The following KCNQ3 variants were observed in gnomAD, a reference collection of about 807,000 sequenced individuals.
KCNQ3 encodes potassium voltage-gated channel subfamily KQT member 3.
KCNQ3 carries 30 observed loss-of-function variants against 92.5 expected under a neutral mutation model. The observed-to-expected ratio is 0.32, with a 90% CI of 0.24 to 0.44. The LOEUF (loss-of-function observed/expected upper bound fraction) is 0.44. Ranked by LOEUF, KCNQ3 falls within the 20% of genes least tolerant of loss-of-function variation. The probability of loss-of-function intolerance (pLI) is 1.00; values close to 1 mark genes in which losing one functional copy is unlikely to be tolerated. For synonymous variants in KCNQ3, 450 were observed against 468.8 expected, an observed-to-expected ratio of 0.96 and a Z score of 0.52; for missense variants, 913 against 1,140.3, an observed-to-expected ratio of 0.80 and a Z score of 2.87.
intron 9 of KCNQ3, among the ~76,000 whole-genome samples, chr8:132,160,741 T>C (rs1825960012): frequency 1.3e-5 from 2 of 152,170 alleles, no homozygotes; most frequent in Admixed American, 1.3e-4. Flanking sequence ...AAAAGCTCAG[T>C]TGAATTCTTA....
intron 1 of KCNQ3, among the ~76,000 whole-genome samples, chr8:132,390,149 T>C (rs2130768882): frequency 6.6e-6 from 1 of 152,296 alleles, no homozygotes; most frequent in South Asian, 2.1e-4. Flanking sequence ...TGGAAAAAGC[T>C]AGACACAAAG....
At chr8:132,182,058 AC>A (rs1370958401) in intron 3 of KCNQ3, among the ~76,000 whole-genome samples, 1 of 147,580 alleles carries the variant, frequency 6.8e-6, no homozygotes, top group Non-Finnish European at 1.5e-5. Context: ...AAAAAAAAAA[AC>A]CATAAAAAAC....
At chr8:132,252,544 C>G (rs1238019725) in intron 1 of KCNQ3, among the ~76,000 whole-genome samples, 1 of 152,194 alleles carries the variant, frequency 6.6e-6, no homozygotes, top group Admixed American at 6.5e-5. Flanking sequence ...AGCAAAAGAA[C>G]AAAGCTTCCA....
intron 1 of KCNQ3, among the ~76,000 whole-genome samples, chr8:132,255,533 G>A (rs1463783674): frequency 6.6e-6 from 1 of 152,204 alleles, no homozygotes; most frequent in Non-Finnish European, 1.5e-5. Flanking sequence ...CTGGGCACAT[G>A]CCCAGAGATA....
chr8:132,278,959 T>C (rs370064057), intron 1 of KCNQ3, among the ~76,000 whole-genome samples: 33 of 152,262 alleles, frequency 2.2e-4, no homozygotes, highest in East Asian at 1.2e-3. Context: ...CTCACGTCTG[T>C]AATCCCAGCA....
At chr8:132,333,148 G>A (rs772086704) in intron 1 of KCNQ3, among the ~76,000 whole-genome samples, 3 of 152,146 alleles carry the variant, frequency 2.0e-5, no homozygotes, top group African/African-American at 7.2e-5. Context: ...CTGGGTATGT[G>A]CACTTTGTAA....
chr8:132,308,908 G>A (rs751991448), intron 1 of KCNQ3, among the ~76,000 whole-genome samples: 10 of 152,140 alleles, frequency 6.6e-5, no homozygotes, highest in Non-Finnish European at 1.2e-4. Flanking sequence ...TATTTGTGAA[G>A]GTTAATATTG....
chr8:132,186,041 A>T, intron 2 of KCNQ3, 50 bp downstream of exon 2: 5 of 1,426,394 alleles, frequency 3.5e-6, no homozygotes, highest in Admixed American at 1.7e-5. Flanking sequence ...CCTCCTTTTC[A>T]TCACTCTGGA....
intron 1 of KCNQ3, among the ~76,000 whole-genome samples, chr8:132,420,060 T>C (rs925127959): frequency 5.9e-5 from 9 of 152,154 alleles, no homozygotes; most frequent in African/African-American, 9.7e-5. Context: ...GGTGCCAGCA[T>C]TGCTGGGTTC....
At chr8:132,214,709 T>C (rs971757480) in intron 1 of KCNQ3, among the ~76,000 whole-genome samples, 3 of 152,268 alleles carry the variant, frequency 2.0e-5, no homozygotes, top group Non-Finnish European at 2.9e-5. Flanking sequence ...AACATGTTTA[T>C]GTCATTCCTT....
At chr8:132,433,024 C>G (rs1189962527) in intron 1 of KCNQ3, among the ~76,000 whole-genome samples, 1 of 152,130 alleles carries the variant, frequency 6.6e-6, no homozygotes. Context: ...ATGAAGAATC[C>G]CCATTCTGAG....
chr8:132,381,178 A>C (rs1169956269), intron 1 of KCNQ3, among the ~76,000 whole-genome samples: 4 of 152,212 alleles, frequency 2.6e-5, no homozygotes, highest in African/African-American at 9.6e-5. Flanking sequence ...ATTGAATCTC[A>C]GAGAGGTTAG....
In KCNQ3 at chr8:132,133,354, C is replaced by CTTTTTTT. The variant is rs10673519; in HGVS notation, c.1799+929_1799+935dup. Among the ~76,000 whole-genome samples the CTTTTTTT allele has an allele frequency of 7.4e-4, 77 of 103,474 alleles. 8 individuals carry two copies. Among genetic ancestry groups the CTTTTTTT allele is most frequent in the Non-Finnish European group, 8.2e-4 (45 of 55,048 alleles). 67.9% of individuals were successfully genotyped at this position (103,474 alleles called of 152,430 possible). On this transcript the variant is annotated intron_variant, in intron 13 of 14. Transcript: ENST00000388996. ...TATCATCACGTTAATGCTCTCGATT[C>CTTTTTTT]TTTTTTTTTTTTTTTTTTTTGAGAT... is the stretch of plus-strand genomic sequence containing the variant.
At chr8:132,180,515 A>T (rs898144856) in intron 3 of KCNQ3, among the ~76,000 whole-genome samples, 186 bp from the exon 4 acceptor site, 1 of 152,180 alleles carries the variant, frequency 6.6e-6, no homozygotes, top group Non-Finnish European at 1.5e-5. Flanking sequence ...CCCATGACTG[A>T]TGAGGAAACT....
chr8:132,331,873 T>G (rs1369005555), intron 1 of KCNQ3, among the ~76,000 whole-genome samples: 1 of 152,172 alleles, frequency 6.6e-6, no homozygotes, highest in African/African-American at 2.4e-5. Context: ...TCCGAAGCAG[T>G]CCAGAAGTCT....
At chr8:132,188,747 GA>G (rs1394148467) in intron 1 of KCNQ3, among the ~76,000 whole-genome samples, 1 of 152,162 alleles carries the variant, frequency 6.6e-6, no homozygotes, top group Non-Finnish European at 1.5e-5. Flanking sequence ...GTTCAATGTG[GA>G]AAACAGGACA....
chr8:132,172,079 C>G (rs1190460687), intron 7 of KCNQ3, among the ~76,000 whole-genome samples: 1 of 151,954 alleles, frequency 6.6e-6, no homozygotes. Flanking sequence ...CCCAACTACT[C>G]AGGAGGCTGA....
At chr8:132,206,390 A>G (rs1301267017) in intron 1 of KCNQ3, among the ~76,000 whole-genome samples, 1 of 152,238 alleles carries the variant, frequency 6.6e-6, no homozygotes, top group Admixed American at 6.5e-5. Context: ...CTCTGGGTTT[A>G]AAAGAATCAA....
intron 1 of KCNQ3, among the ~76,000 whole-genome samples, chr8:132,237,934 A>G (rs1035723450): frequency 6.6e-5 from 10 of 152,172 alleles, no homozygotes; most frequent in Non-Finnish European, 1.0e-4. Context: ...GACAAATACT[A>G]CCACTTTAAG....
Sources: gnomAD v4.1 joint callset for allele counts (sites outside exome capture counted in the v4.1 genomes callset) on GRCh38, gnomAD v4.1.1 for gene constraint, MANE v1.5 for transcripts, NCBI Gene and HGNC (gene_info 2026-07-23, HGNC 2026-07-21) for gene names.